CYP46A1: variants seen among roughly 807,000 people sequenced by gnomAD.
CYP46A1 encodes the protein cytochrome P450 family 46 subfamily A member 1, also known as cholesterol 24-hydroxylase.
CYP46A1 carries 20 observed loss-of-function variants against 63.3 expected under a neutral mutation model. That is an observed-to-expected ratio of 0.32 (90% CI 0.22 to 0.46). The LOEUF (loss-of-function observed/expected upper bound fraction) is 0.46, where lower values mean the gene tolerates loss of function less well. Ranked by LOEUF, CYP46A1 falls within the 20% of genes least tolerant of loss-of-function variation. The pLI is 1.00. For synonymous variants in CYP46A1, 268 were observed against 273.6 expected (o/e 0.98, Z 0.20); for missense variants, 445 against 670.8 (o/e 0.66, Z 3.72).
At chr14:99,716,230 G>A (rs761178768) in intron 9 of CYP46A1, 31 bp downstream of exon 9, 15 of 1,611,410 alleles carry the variant, frequency 9.3e-6, no homozygotes, top group South Asian at 2.2e-5. Flanking sequence ...CCAAGGGCCC[G>A]GAGCTCTGCA....
intron 12 of CYP46A1, among the ~76,000 whole-genome samples, chr14:99,723,625 A>T (rs1025837563): frequency 6.6e-6 from 1 of 152,154 alleles, no homozygotes; most frequent in African/African-American, 2.4e-5. Context: ...CTTTCTTTTA[A>T]AAACTCACGT....
At chr14:99,688,955 C>T (rs1366510755) in intron 1 of CYP46A1, among the ~76,000 whole-genome samples, 3 of 152,216 alleles carry the variant, frequency 2.0e-5, no homozygotes, top group Non-Finnish European at 2.9e-5. Flanking sequence ...GCTCTCTTCC[C>T]TCCTCCCCAG....
chr14:99,684,737 C>T (rs2056475678), intron 1 of CYP46A1: 1 of 647,694 alleles, frequency 1.5e-6, no homozygotes, highest in Non-Finnish European at 2.9e-6. Context: ...GCCCACCGCG[C>T]ACAGCTGGGC....
chr14:99,706,553 C>G (rs1179097274), intron 5 of CYP46A1, 94 bp from the exon 6 acceptor site: 3 of 1,539,876 alleles, frequency 1.9e-6, no homozygotes, highest in Non-Finnish European at 2.6e-6. Context: ...CACCTTCACT[C>G]TGCACAGTAT....
intron 7 of CYP46A1, 57 bp from the exon 8 acceptor site, chr14:99,715,753 A>G: frequency 1.2e-6 from 2 of 1,607,750 alleles, no homozygotes; most frequent in Admixed American, 3.4e-5. Context: ...GGTGGGGGAG[A>G]GGGGAGAGGG....
chr14:99,695,772 A>G (rs2056582875), intron 3 of CYP46A1, among the ~76,000 whole-genome samples: 1 of 151,952 alleles, frequency 6.6e-6, no homozygotes, highest in Non-Finnish European at 1.5e-5. Flanking sequence ...CTGGGACTAC[A>G]GGTGCCTGCC....
intron 5 of CYP46A1, among the ~76,000 whole-genome samples, chr14:99,704,390 T>C (rs964612580): frequency 6.6e-6 from 1 of 152,208 alleles, no homozygotes; most frequent in African/African-American, 2.4e-5. Flanking sequence ...CCTTGGTGAA[T>C]CCTAATTCAC....
At chr14:99,721,012 G>T (rs187705251) in intron 10 of CYP46A1, among the ~76,000 whole-genome samples, 6 of 152,130 alleles carry the variant, frequency 3.9e-5, no homozygotes, top group African/African-American at 7.2e-5. Flanking sequence ...TTGAATCCTG[G>T]GGGGAGGGCG....
chr14:99,701,967 G>A (rs1406693007), intron 5 of CYP46A1, among the ~76,000 whole-genome samples: 1 of 151,682 alleles, frequency 6.6e-6, no homozygotes, highest in Non-Finnish European at 1.5e-5. Flanking sequence ...CTACGCGGGA[G>A]GCTAAGGTAG....
chr14:99,725,696 T>C lies in CYP46A1; in HGVS notation c.1265+217T>C, dbSNP rs1049779667. ...CAGCTCAGTCTGGTTCTAAAGCTCA[T>C]GCTCATAAGCAGCACCAAATACTGG... On this transcript the variant is annotated intron_variant, in intron 13 of 14. Coordinates refer to ENST00000261835, the MANE Select transcript of CYP46A1 (RefSeq NM_006668.2). This position sits in a 1 kb window ranked among gnomAD's most constrained non-coding sequence, Gnocchi z 4.2. 6.6e-6 allele frequency among the ~76,000 whole-genome samples: 1 copy of C among 152,226 alleles called. No homozygotes were observed. The highest frequency in any genetic ancestry group is 1.5e-5 in the Non-Finnish European group (1 of 68,038).
At chr14:99,721,190 G>A (rs777364534) in intron 10 of CYP46A1, 49 bp from the exon 11 acceptor site, 31 of 1,413,922 alleles carry the variant, frequency 2.2e-5, no homozygotes, top group South Asian at 1.6e-4. Flanking sequence ...TAAGTAAGTC[G>A]GGGACAGGCT....
At chr14:99,708,065 A>G (rs1401880274) in intron 7 of CYP46A1, 2 of 269,536 alleles carry the variant, frequency 7.4e-6, no homozygotes, top group Non-Finnish European at 1.4e-5. Context: ...CCGTGCCCAC[A>G]TGGGGCCTGG....
intron 7 of CYP46A1, chr14:99,708,790 CA>C (rs1391033364): frequency 6.6e-6 from 1 of 152,440 alleles, no homozygotes; most frequent in African/African-American, 2.4e-5. Context: ...CTGGCGCCCA[CA>C]TATGCCATCC....
At chr14:99,695,608 TTA>T (rs1472119113) in intron 3 of CYP46A1, 1 of 85,956 alleles carries the variant, frequency 1.2e-5, no homozygotes. Context: ...TCCAGCTTTA[TTA>T]TTATTATTAT....
At chr14:99,691,447 T>C in intron 2 of CYP46A1, 1 of 579,596 alleles carries the variant, frequency 1.7e-6, no homozygotes, top group East Asian at 2.8e-5. Context: ...AGTCATTGTT[T>C]GGTGTGTCAC....
chr14:99,685,738 A>G (rs1595180828), intron 1 of CYP46A1, among the ~76,000 whole-genome samples: 1 of 151,908 alleles, frequency 6.6e-6, no homozygotes, highest in East Asian at 1.9e-4. Flanking sequence ...TCTCTGCTTG[A>G]TGGGTTCAGG....
rs774339098 is a variant in CYP46A1 at position 99,725,386 on chromosome 14, C to T, written c.1177-5C>T. 1.1e-5 allele frequency: 17 copies of T among 1,613,524 alleles called. No homozygotes were observed. The highest frequency in any genetic ancestry group is 6.7e-5 in the African/African-American group (5 of 74,880). On this transcript the variant is annotated splice_region_variant and splice_polypyrimidine_tract_variant and intron_variant, in intron 12 of 14. Transcript: ENST00000261835. This position sits in a 1 kb window ranked among gnomAD's most constrained non-coding sequence, Gnocchi z 4.2. ...ACCAGAGATGAGCGGACCCTTTGCC[C>T]GCAGTTCAGCACCTATGTCATGGGG...
chr14:99,712,620 C>A (rs1198927931), intron 7 of CYP46A1: 1 of 152,066 alleles, frequency 6.6e-6, no homozygotes, highest in Non-Finnish European at 1.5e-5. Context: ...AGGAAAACTA[C>A]AAAACACTGA....
intron 5 of CYP46A1, among the ~76,000 whole-genome samples, chr14:99,700,831 A>G (rs1433654811): frequency 6.6e-6 from 1 of 152,178 alleles, no homozygotes; most frequent in Admixed American, 6.5e-5. Flanking sequence ...GTCCTTCAGG[A>G]GGCATCCAGA....
Sources: gnomAD v4.1 joint callset for allele counts (sites outside exome capture counted in the v4.1 genomes callset) on GRCh38, gnomAD v4.1.1 for gene constraint, Gnocchi (gnomAD v3.1) non-coding constraint, MANE v1.5 for transcripts, NCBI Gene and HGNC (gene_info 2026-07-23, HGNC 2026-07-21) for gene names.